RYR3: variants seen among roughly 807,000 people sequenced by gnomAD.
RYR3 encodes the protein ryanodine receptor 3, also known as brain ryanodine receptor-calcium release channel.
Under a neutral mutation model 584.3 loss-of-function variants are expected in RYR3, and 207 were observed. That is an observed-to-expected ratio of 0.35 (90% CI 0.32 to 0.40). The LOEUF (loss-of-function observed/expected upper bound fraction) is 0.40, where lower values mean the gene tolerates loss of function less well. Among genes scored for constraint, RYR3 ranks in the 10% least tolerant of loss-of-function variants. RYR3 has a pLI of 1.00. For missense variants in RYR3, 5,616 were observed against 6,089.2 expected (o/e 0.92, Z 2.59); for synonymous variants, 2,416 against 2,248.5 (o/e 1.07, Z -2.11).
chr15:33,569,889 C>CT (rs1313007524), intron 12 of RYR3, among the ~76,000 whole-genome samples: 12 of 152,010 alleles, frequency 7.9e-5, no homozygotes, highest in African/African-American at 2.9e-4. Context: ...ATTCATGTAT[C>CT]TTCTTTGGTA....
chr15:33,429,711 A>G (rs1045416646), intron 1 of RYR3, among the ~76,000 whole-genome samples: 2 of 152,222 alleles, frequency 1.3e-5, no homozygotes, highest in Non-Finnish European at 2.9e-5. Flanking sequence ...ACGTAAACAT[A>G]TTTATTGAGA....
intron 85 of RYR3, chr15:33,830,752 C>A: frequency 2.4e-6 from 1 of 413,712 alleles, no homozygotes; most frequent in Non-Finnish European, 4.3e-6. Flanking sequence ...AGGCAGTCCT[C>A]ACTCCTATCT....
chr15:33,773,393 G>C (rs1481415834), intron 63 of RYR3, 141 bp from the exon 64 acceptor site: 3 of 657,968 alleles, frequency 4.6e-6, no homozygotes, highest in Admixed American at 2.6e-5. Context: ...CATCTGGGTA[G>C]AAAAGGGATA....
At chr15:33,572,323 A>T (rs937288386) in intron 12 of RYR3, among the ~76,000 whole-genome samples, 5 of 152,128 alleles carry the variant, frequency 3.3e-5, no homozygotes, top group Admixed American at 3.3e-4. Context: ...TTTCAGCCTG[A>T]AGGACTTCCC....
intron 102 of RYR3, among the ~76,000 whole-genome samples, chr15:33,861,610 C>CTCTT (rs1449077532): frequency 1.3e-5 from 2 of 151,894 alleles, no homozygotes; most frequent in African/African-American, 4.8e-5. Flanking sequence ...TTCAATTTTT[C>CTCTT]TCTTTTCATT....
intron 1 of RYR3, among the ~76,000 whole-genome samples, chr15:33,469,707 G>A (rs2048773151): frequency 6.6e-6 from 1 of 152,212 alleles, no homozygotes; most frequent in African/African-American, 2.4e-5. Flanking sequence ...ATAGATGGAG[G>A]TTTGGAACCC....
At chr15:33,314,961 C>T (rs1365398992) in intron 1 of RYR3, among the ~76,000 whole-genome samples, 3 of 151,794 alleles carry the variant, frequency 2.0e-5, no homozygotes, top group African/African-American at 7.2e-5. Flanking sequence ...ACAACAACAA[C>T]AAAAAACGGA....
chr15:33,653,589 G>C (rs1183037118), intron 32 of RYR3, among the ~76,000 whole-genome samples: 3 of 151,606 alleles, frequency 2.0e-5, no homozygotes, highest in Non-Finnish European at 4.4e-5. Flanking sequence ...AGAATCGCTT[G>C]AACCTGGGAG....
intron 45 of RYR3, 32 bp downstream of exon 45, chr15:33,724,208 G>C (rs1353328052): frequency 8.1e-7 from 1 of 1,235,516 alleles, no homozygotes; most frequent in Non-Finnish European, 1.2e-6. Flanking sequence ...GAACAGCTTT[G>C]AGAAACCTAT....
At chr15:33,861,232 A>G in intron 102 of RYR3, 54 bp downstream of exon 102, 2 of 1,279,592 alleles carry the variant, frequency 1.6e-6, no homozygotes, top group South Asian at 2.6e-5. Flanking sequence ...AATAAAGCCA[A>G]TTAGGTCATA....
At chr15:33,509,839 C>T (rs2142861803) in intron 3 of RYR3, among the ~76,000 whole-genome samples, 1 of 152,274 alleles carries the variant, frequency 6.6e-6, no homozygotes, top group Admixed American at 6.5e-5. Context: ...GACTTTCAGG[C>T]TGCTAACCTT....
chr15:33,335,774 G>C (rs1462275682), intron 1 of RYR3, among the ~76,000 whole-genome samples: 1 of 148,802 alleles, frequency 6.7e-6, no homozygotes, highest in East Asian at 1.9e-4. Flanking sequence ...TTCTTGGTTT[G>C]CCAACCCCTA....
In RYR3 at chr15:33,390,311, A is replaced by G. The variant is rs149546010; in HGVS notation, c.51+79215A>G. On this transcript the variant is annotated intron_variant, in intron 1 of 103. Coordinates refer to ENST00000634891, the MANE Select transcript of RYR3 (RefSeq NM_001036.6). The surrounding 1 kb of genome is among the most constrained non-coding windows in gnomAD (Gnocchi z 4.2). ...AGTTTGTTCTTTTAGCTGGGCCCAC[A>G]TGGGCCTCAGTACCAGTATACCTGG... Among the ~76,000 whole-genome samples the G allele has an allele frequency of 6.6e-6, 1 of 152,222 alleles. No individual in the cohort carries two copies. Among genetic ancestry groups the G allele is most frequent in the Non-Finnish European group, 1.5e-5 (1 of 68,032 alleles).
At position 33,336,497 on chromosome 15, in the gene RYR3, AGAAAGAAGGAGG is replaced by A. The variant is rs762231512; in HGVS notation, c.51+25405_51+25416del. 2.5e-4 allele frequency among the ~76,000 whole-genome samples: 6 copies of A among 24,250 alleles called. 1 individual carries two copies. Among genetic ancestry groups the A allele is most frequent in the African/African-American group, 3.6e-4 (1 of 2,750 alleles). 15.9% of individuals were successfully genotyped at this position (24,250 alleles called of 152,430 possible). ...GAGAGAGAGAGAGAGAAAGAAAGAAAGAAAGAAGGAGGGAAGGAGGGAAGGAGGGAAGGAGGG... is the reference window on the plus strand; with the variant it reads ...GAGAGAGAGAGAGAGAAAGAAAGAAAGAAGGAGGGAAGGAGGGAAGGAGGG... On this transcript the variant is annotated intron_variant, in intron 1 of 103. Coordinates refer to ENST00000634891, the MANE Select transcript of RYR3 (RefSeq NM_001036.6).
At chr15:33,495,531 T>C (rs181535694) in intron 2 of RYR3, among the ~76,000 whole-genome samples, 42 of 152,344 alleles carry the variant, frequency 2.8e-4, no homozygotes, top group Non-Finnish European at 4.9e-4. Context: ...CAATGCCTGG[T>C]ACAATTGTAT....
intron 36 of RYR3, among the ~76,000 whole-genome samples, chr15:33,665,367 T>A (rs962832129): frequency 1.1e-4 from 16 of 152,258 alleles, no homozygotes; most frequent in African/African-American, 3.4e-4. Context: ...GATTGCTTTG[T>A]GTGATGCCTA....
Position 33,530,651 on chromosome 15 carries a change from C to G in RYR3, c.339C>G (p.His113Gln), listed in dbSNP as rs371821413. The G allele has an allele frequency of 1.2e-6, 2 of 1,613,282 alleles. No homozygotes were observed. Among genetic ancestry groups the G allele is most frequent in the Non-Finnish European group, 1.7e-6 (2 of 1,179,394 alleles). Reference protein sequence around the residue: ...LLYGHAVLLRHSFSGMYLTCL... With the variant: ...LLYGHAVLLRQSFSGMYLTCL... ...ACGGCCATGCAGTTCTCCTGAGGCA[C>G]TCTTTCAGCGGAATGGTAAGCAGCT... The change falls in exon 4 of 104, where the codon CAC becomes CAG. Residue 113 changes from histidine to glutamine, a missense_variant. This residue lies in a region of RYR3 where 1,284 missense variants were observed against 1,344.6 expected (regional missense o/e 0.95). Transcript: ENST00000634891.
intron 18 of RYR3, among the ~76,000 whole-genome samples, chr15:33,611,663 T>C (rs551465670): frequency 6.6e-6 from 1 of 152,234 alleles, no homozygotes; most frequent in South Asian, 2.1e-4. Flanking sequence ...ATATTTTTTC[T>C]TTTGTATTTA....
At chr15:33,864,941 G>C in intron 103 of RYR3, 190 bp from the exon 104 acceptor site, 1 of 541,196 alleles carries the variant, frequency 1.8e-6, no homozygotes, top group Non-Finnish European at 3.3e-6. Flanking sequence ...GCCAGCATGT[G>C]TCAGAGAGAC....
Sources: gnomAD v4.1 joint callset for allele counts (sites outside exome capture counted in the v4.1 genomes callset) on GRCh38, gnomAD v4.1.1 for gene constraint, gnomAD v4.1.1 regional missense constraint, Gnocchi (gnomAD v3.1) non-coding constraint, MANE v1.5 for transcripts, NCBI Gene and HGNC (gene_info 2026-07-23, HGNC 2026-07-21) for gene names.